Variants in GALNTL6 observed in about 807,000 individuals in gnomAD.
The protein encoded by GALNTL6 is polypeptide N-acetylgalactosaminyltransferase-like 6.
In GALNTL6, 46 loss-of-function variants were observed where a neutral mutation model predicts 73.7. The observed-to-expected ratio is 0.62, with a 90% CI of 0.49 to 0.80. The LOEUF is 0.80. GALNTL6 is among the 30% of genes least tolerant of loss of function. The pLI, the probability that GALNTL6 is intolerant of heterozygous loss-of-function variation, is 0.00. For synonymous variants in GALNTL6, 259 were observed against 263.7 expected, an observed-to-expected ratio of 0.98 and a Z score of 0.17; for missense variants, 604 against 755.0, an observed-to-expected ratio of 0.80 and a Z score of 2.34.
chr4:171,945,958 A>G (rs575995361), intron 2 of GALNTL6, among the ~76,000 whole-genome samples: 59 of 152,306 alleles, frequency 3.9e-4, no homozygotes, highest in African/African-American at 1.4e-3. Context: ...ATGAAAACAT[A>G]TTAATAAATG....
chr4:172,023,350 T>TA (rs1190327294), intron 2 of GALNTL6, among the ~76,000 whole-genome samples: 69 of 151,932 alleles, frequency 4.5e-4, no homozygotes, highest in Middle Eastern at 3.4e-3. Flanking sequence ...CTTTTTTTTT[T>TA]ACCTATAATC....
At chr4:172,573,681 C>G (rs2110955320) in intron 5 of GALNTL6, among the ~76,000 whole-genome samples, 1 of 152,262 alleles carries the variant, frequency 6.6e-6, no homozygotes, top group South Asian at 2.1e-4. Flanking sequence ...GCATGAAGCC[C>G]TTACAGAGAG....
At chr4:172,952,332 A>T in intron 10 of GALNTL6, 74 bp downstream of exon 10, 1 of 1,028,134 alleles carries the variant, frequency 9.7e-7, no homozygotes, top group African/African-American at 1.6e-5. Context: ...AGGTGGTGGG[A>T]GGGACTGCTA....
intron 2 of GALNTL6, among the ~76,000 whole-genome samples, chr4:171,938,032 A>G (rs985849779): frequency 3.9e-5 from 6 of 152,102 alleles, no homozygotes; most frequent in African/African-American, 1.4e-4. Context: ...AGTTATTTCC[A>G]TAACAAAGGC....
intron 2 of GALNTL6, among the ~76,000 whole-genome samples, chr4:172,014,072 T>C (rs1741108471): frequency 6.6e-6 from 1 of 152,122 alleles, no homozygotes; most frequent in Admixed American, 6.6e-5. Flanking sequence ...TATGGCTCAG[T>C]AGCACTCCAT....
chr4:172,387,238 A>C (rs1743505969), intron 5 of GALNTL6, among the ~76,000 whole-genome samples: 1 of 152,178 alleles, frequency 6.6e-6, no homozygotes, highest in Non-Finnish European at 1.5e-5. Context: ...AATCTTTAAT[A>C]ATAGTCCCTT....
At chr4:171,983,324 T>G (rs1325825654) in intron 2 of GALNTL6, among the ~76,000 whole-genome samples, 1 of 152,148 alleles carries the variant, frequency 6.6e-6, no homozygotes, top group East Asian at 1.9e-4. Context: ...CCAGAACTAG[T>G]TTGCTCTATT....
chr4:172,431,811 A>T (rs1024319198), intron 5 of GALNTL6, among the ~76,000 whole-genome samples: 45 of 152,250 alleles, frequency 3.0e-4, no homozygotes, highest in African/African-American at 9.9e-4. Context: ...TGGTAATTTT[A>T]TATTTATGCA....
At chr4:171,860,356 G>A (rs1407777934) in intron 2 of GALNTL6, among the ~76,000 whole-genome samples, 1 of 152,072 alleles carries the variant, frequency 6.6e-6, no homozygotes, top group Non-Finnish European at 1.5e-5. Flanking sequence ...ATACATTGCA[G>A]AAATTTGGAC....
chr4:172,935,521 A>G (rs1399514561), intron 9 of GALNTL6, among the ~76,000 whole-genome samples: 1 of 152,124 alleles, frequency 6.6e-6, no homozygotes, highest in African/African-American at 2.4e-5. Context: ...TCAACAAAAT[A>G]GGTAGACTGC....
At chr4:172,073,398 T>C (rs571564193) in intron 2 of GALNTL6, among the ~76,000 whole-genome samples, 63 of 152,274 alleles carry the variant, frequency 4.1e-4, no homozygotes, top group African/African-American at 1.5e-3. Context: ...TGCTGATTGA[T>C]TAAAAGAAAC....
At chr4:172,975,343 A>G (rs2126417579) in intron 10 of GALNTL6, among the ~76,000 whole-genome samples, 1 of 152,246 alleles carries the variant, frequency 6.6e-6, no homozygotes, top group African/African-American at 2.4e-5. Flanking sequence ...CGTCCCATCA[A>G]GTTGAGGAGA....
chr4:172,369,950 G>A (rs1200539746), intron 5 of GALNTL6, among the ~76,000 whole-genome samples: 1 of 152,230 alleles, frequency 6.6e-6, no homozygotes, highest in African/African-American at 2.4e-5. Context: ...GGCTCCTCAA[G>A]TGTGGCCAGA....
chr4:172,373,566 G>A (rs187939310), intron 5 of GALNTL6, among the ~76,000 whole-genome samples: 97 of 152,302 alleles, frequency 6.4e-4, no homozygotes, highest in African/African-American at 2.1e-3. Flanking sequence ...AGGAAAAGAG[G>A]TGGGGTCTTT....
chr4:172,956,071 C>A (rs933084308), intron 10 of GALNTL6, among the ~76,000 whole-genome samples: 4 of 151,722 alleles, frequency 2.6e-5, no homozygotes, highest in African/African-American at 9.7e-5. Flanking sequence ...ACATTCCCAT[C>A]TTCTTATATT....
At chr4:171,885,244 GTTC>G (rs1197756062) in intron 2 of GALNTL6, among the ~76,000 whole-genome samples, 1 of 151,838 alleles carries the variant, frequency 6.6e-6, no homozygotes, top group Non-Finnish European at 1.5e-5. Flanking sequence ...ACCTCTTTAG[GTTC>G]TTATTTTTTC....
intron 5 of GALNTL6, among the ~76,000 whole-genome samples, chr4:172,665,654 A>G (rs1327861348): frequency 6.6e-6 from 1 of 152,238 alleles, no homozygotes; most frequent in African/African-American, 2.4e-5. Flanking sequence ...AATAATCATT[A>G]TATGCATTCA....
chr4:172,716,286 A>G lies in GALNTL6; in HGVS notation c.554-93075A>G, dbSNP rs79372735. On this transcript the variant is annotated intron_variant, in intron 5 of 12. Coordinates refer to ENST00000506823, the MANE Select transcript of GALNTL6 (RefSeq NM_001034845.3). ...GGCTAAGAAGCCCTGCTGTAAGCCA[A>G]TGCTTCTCAAACTGTAGCTCATGGA... Among the ~76,000 whole-genome samples, 761 of 152,278 alleles carry G rather than the reference A, an allele frequency of 5.0e-3. 4 individuals are homozygous for G. Among genetic ancestry groups the G allele is most frequent in the African/African-American group, 0.018 (728 of 41,554 alleles).
chr4:172,060,648 A>G (rs960432091), intron 2 of GALNTL6, among the ~76,000 whole-genome samples: 8 of 152,188 alleles, frequency 5.3e-5, no homozygotes, highest in Non-Finnish European at 1.0e-4. Flanking sequence ...AAAGAAAGAC[A>G]CATAGAACAA....
Sources: allele counts gnomAD v4.1 joint callset (sites outside exome capture counted in the v4.1 genomes callset), GRCh38; gene constraint gnomAD v4.1.1; transcripts MANE v1.5; gene names NCBI Gene and HGNC (gene_info 2026-07-23, HGNC 2026-07-21).